PPARGC1A: variants seen among roughly 807,000 people sequenced by gnomAD.
The protein encoded by PPARGC1A is peroxisome proliferator-activated receptor gamma coactivator 1-alpha.
PPARGC1A carries 25 observed loss-of-function variants against 88.7 expected under a neutral mutation model. The ratio of observed to expected loss-of-function variants is 0.28; its 90% CI spans 0.21 to 0.39. The LOEUF (loss-of-function observed/expected upper bound fraction) is 0.39. Ranked by LOEUF, PPARGC1A falls within the 10% of genes least tolerant of loss-of-function variation. The pLI, the probability that PPARGC1A is intolerant of heterozygous loss-of-function variation, is 1.00. For missense variants in PPARGC1A, 880 were observed against 968.7 expected, an observed-to-expected ratio of 0.91 and a Z score of 1.22; for synonymous variants, 363 against 355.6, an observed-to-expected ratio of 1.02 and a Z score of -0.24.
chr4:23,956,693 T>C, the PPARGC1A span, among the ~76,000 whole-genome samples: 1 of 152,110 alleles, frequency 6.6e-6, no homozygotes, highest in Non-Finnish European at 1.5e-5. Flanking sequence ...TCCTTCTCTC[T>C]AAAATACAAT....
chr4:24,332,110 G>GT, the PPARGC1A span, among the ~76,000 whole-genome samples: 61,585 of 150,542 alleles, frequency 0.41, 12,718 homozygotes, highest in South Asian at 0.46. Context: ...AGAACAGTGG[G>GT]TTTTTTTTTG....
At chr4:23,870,938 G>GTT (rs367777718) in intron 2 of PPARGC1A, among the ~76,000 whole-genome samples, 163 of 139,298 alleles carry the variant, frequency 1.2e-3, no homozygotes, top group African/African-American at 3.8e-3. Context: ...TGGTATCCGT[G>GTT]TTTTTTTTTT....
the PPARGC1A span, among the ~76,000 whole-genome samples, chr4:23,946,294 C>T: frequency 1.3e-5 from 2 of 152,066 alleles, no homozygotes. Flanking sequence ...CTTCGTCAGG[C>T]CCAGCAAGAT....
chr4:24,471,552 C>T, the PPARGC1A span, among the ~76,000 whole-genome samples: 470 of 152,268 alleles, frequency 3.1e-3, 1 homozygote, highest in African/African-American at 0.011. The surrounding 1 kb of genome is among the most constrained non-coding windows in gnomAD (Gnocchi z 5.4). Flanking sequence ...CTTTTTCACC[C>T]CTAGACCCTG....
At chr4:24,219,020 C>T in the PPARGC1A span, among the ~76,000 whole-genome samples, 1 of 152,296 alleles carries the variant, frequency 6.6e-6, no homozygotes, top group East Asian at 1.9e-4. Context: ...TAAACTTCTT[C>T]AGATTAAAAC....
chr4:24,222,040 G>A, the PPARGC1A span, among the ~76,000 whole-genome samples: 3 of 152,196 alleles, frequency 2.0e-5, no homozygotes, highest in Non-Finnish European at 4.4e-5. Context: ...GGAAGGTAAA[G>A]GGTACAAGAG....
the PPARGC1A span, among the ~76,000 whole-genome samples, chr4:24,354,860 A>G: frequency 1.8e-4 from 27 of 152,174 alleles, no homozygotes; most frequent in Non-Finnish European, 8.8e-5. Context: ...GCACTCCAGC[A>G]TGGGCGACAG....
the PPARGC1A span, among the ~76,000 whole-genome samples, chr4:24,207,689 G>C: frequency 6.6e-6 from 1 of 152,056 alleles, no homozygotes; most frequent in Non-Finnish European, 1.5e-5. Context: ...TGACGTTTTT[G>C]ATGTCTTCCC....
chr4:24,357,089 C>T, the PPARGC1A span, among the ~76,000 whole-genome samples: 7 of 152,216 alleles, frequency 4.6e-5, no homozygotes, highest in Admixed American at 4.6e-4. Flanking sequence ...CAGGTCTGCA[C>T]CATCATCCAG....
chr4:24,210,726 A>G, the PPARGC1A span, among the ~76,000 whole-genome samples: 1 of 152,236 alleles, frequency 6.6e-6, no homozygotes, highest in South Asian at 2.1e-4. Flanking sequence ...ATGCTTGATC[A>G]TCTACAATTC....
At chr4:24,089,617 T>C in the PPARGC1A span, among the ~76,000 whole-genome samples, 2 of 151,448 alleles carry the variant, frequency 1.3e-5, no homozygotes, top group South Asian at 4.2e-4. Flanking sequence ...TTCACGCCAT[T>C]CTCGTGTCTC....
At chr4:24,317,554 CTAAAAAAAAAAAAAAAAAAAAAA>C in the PPARGC1A span, among the ~76,000 whole-genome samples, 10 of 14,286 alleles carry the variant, frequency 7.0e-4, no homozygotes, top group Admixed American at 6.4e-3. Flanking sequence ...GTTCAGAGGA[CTAAAAAAAAAAAAAAAAAAAAAA>C]AAAAAAAAAA....
At chr4:24,126,899 T>C in the PPARGC1A span, among the ~76,000 whole-genome samples, 1 of 152,166 alleles carries the variant, frequency 6.6e-6, no homozygotes, top group Non-Finnish European at 1.5e-5. Flanking sequence ...GCTCAGGGCA[T>C]CACGAGGACT....
the PPARGC1A span, among the ~76,000 whole-genome samples, chr4:24,126,766 T>A: frequency 1.3e-5 from 2 of 152,192 alleles, no homozygotes; most frequent in African/African-American, 4.8e-5. Context: ...TAGTAGCCAT[T>A]ACCTGTAACT....
At chr4:23,855,839 A>G (rs541637554) in intron 2 of PPARGC1A, among the ~76,000 whole-genome samples, 36 of 152,176 alleles carry the variant, frequency 2.4e-4, no homozygotes, top group African/African-American at 8.7e-4. Flanking sequence ...GTAGGAGGGG[A>G]AGTCTGGATT....
chr4:24,464,257 T>C, the PPARGC1A span, among the ~76,000 whole-genome samples: 1 of 152,254 alleles, frequency 6.6e-6, no homozygotes, highest in South Asian at 2.1e-4. Flanking sequence ...TGTAAACTAC[T>C]TCCATTTGAA....
the PPARGC1A span, among the ~76,000 whole-genome samples, chr4:23,961,355 A>G: frequency 8.5e-5 from 13 of 152,164 alleles, no homozygotes; most frequent in African/African-American, 2.4e-4. Context: ...GCTAAAACAA[A>G]TGATATGATT....
the PPARGC1A span, among the ~76,000 whole-genome samples, chr4:24,227,038 T>G: frequency 6.6e-6 from 1 of 152,090 alleles, no homozygotes; most frequent in East Asian, 1.9e-4. Flanking sequence ...CCACATACTT[T>G]GCATTCAGCC....
the PPARGC1A span, among the ~76,000 whole-genome samples, chr4:24,042,334 C>A: frequency 6.6e-6 from 1 of 152,144 alleles, no homozygotes; most frequent in Non-Finnish European, 1.5e-5. Flanking sequence ...ACAAATTCCA[C>A]TTCAAATAGT....
Sources: gnomAD v4.1 joint callset for allele counts (sites outside exome capture counted in the v4.1 genomes callset) on GRCh38, gnomAD v4.1.1 for gene constraint, Gnocchi (gnomAD v3.1) non-coding constraint, MANE v1.5 for transcripts, NCBI Gene and HGNC (gene_info 2026-07-23, HGNC 2026-07-21) for gene names.